The following CNTN4 variants were observed in gnomAD, a reference collection of about 807,000 sequenced individuals.
CNTN4 encodes contactin-4.
In CNTN4, 77 loss-of-function variants were observed where a neutral mutation model predicts 122.5. The ratio of observed to expected loss-of-function variants is 0.63; its 90% CI spans 0.52 to 0.76. CNTN4 has a LOEUF of 0.76. Among genes scored for constraint, CNTN4 ranks in the 30% least tolerant of loss-of-function variants. CNTN4 has a pLI of 0.00. For missense variants in CNTN4, 1,256 were observed against 1,259.1 expected, an observed-to-expected ratio of 1.00 and a Z score of 0.04; for synonymous variants, 512 against 447.0, an observed-to-expected ratio of 1.15 and a Z score of -1.83.
intron 14 of CNTN4, among the ~76,000 whole-genome samples, chr3:3,010,903 C>T (rs1349327472): frequency 6.6e-6 from 1 of 151,926 alleles, no homozygotes; most frequent in Non-Finnish European, 1.5e-5. Context: ...AGTACACCCT[C>T]ATTGAAATGC....
At chr3:2,330,513 A>G (rs1226227919) in intron 2 of CNTN4, among the ~76,000 whole-genome samples, 1 of 152,212 alleles carries the variant, frequency 6.6e-6, no homozygotes, top group Non-Finnish European at 1.5e-5. Flanking sequence ...TTCTGTGTCA[A>G]GAAATGAAGA....
At chr3:2,918,441 G>T (rs1233619353) in intron 12 of CNTN4, among the ~76,000 whole-genome samples, 1 of 152,204 alleles carries the variant, frequency 6.6e-6, no homozygotes, top group Admixed American at 6.5e-5. Flanking sequence ...CTTCCAGGGT[G>T]CACTTGCCCT....
chr3:2,400,873 G>A (rs866832234), intron 3 of CNTN4, among the ~76,000 whole-genome samples: 156 of 151,506 alleles, frequency 1.0e-3, no homozygotes, highest in African/African-American at 3.5e-3. Flanking sequence ...CTATATATAA[G>A]TATATTATTC....
chr3:2,790,787 C>G (rs2091984603), intron 6 of CNTN4, among the ~76,000 whole-genome samples: 1 of 152,126 alleles, frequency 6.6e-6, no homozygotes, highest in Non-Finnish European at 1.5e-5. Context: ...TGTGCATTTC[C>G]TTGACTTGCT....
At chr3:2,170,090 G>C (rs1393496630) in intron 2 of CNTN4, among the ~76,000 whole-genome samples, 1 of 151,936 alleles carries the variant, frequency 6.6e-6, no homozygotes, top group Admixed American at 6.6e-5. Flanking sequence ...GGGAGGCCGA[G>C]GCGGGAGGAT....
chr3:3,042,480 CTCCAAGTCACAT>C, intron 21 of CNTN4, 58 bp downstream of exon 21: 2 of 1,090,672 alleles, frequency 1.8e-6, no homozygotes, highest in Non-Finnish European at 2.8e-6. Flanking sequence ...TTGATAAGTC[CTCCAAGTCACAT>C]TCTTATAGGA....
At chr3:2,690,268 T>C (rs1480232113) in intron 4 of CNTN4, among the ~76,000 whole-genome samples, 1 of 152,184 alleles carries the variant, frequency 6.6e-6, no homozygotes, top group African/African-American at 2.4e-5. Context: ...TGCTCCCCTT[T>C]TGGGTACATG....
At chr3:3,004,884 G>A (rs150189261) in intron 14 of CNTN4, among the ~76,000 whole-genome samples, 1 of 152,158 alleles carries the variant, frequency 6.6e-6, no homozygotes, top group African/African-American at 2.4e-5. Flanking sequence ...GCTCTTCAGG[G>A]GTCAGCTGGG....
chr3:2,723,428 A>G (rs1359426958), intron 4 of CNTN4, among the ~76,000 whole-genome samples: 1 of 152,152 alleles, frequency 6.6e-6, no homozygotes, highest in Non-Finnish European at 1.5e-5. Flanking sequence ...ATTTCTCACT[A>G]TTCTGGAGAC....
intron 4 of CNTN4, among the ~76,000 whole-genome samples, chr3:2,576,543 G>GTT (rs1260322395): frequency 7.8e-6 from 1 of 127,774 alleles, no homozygotes; most frequent in African/African-American, 2.9e-5. Flanking sequence ...TTTTGTTACT[G>GTT]TTTTTTTCTT....
intron 6 of CNTN4, among the ~76,000 whole-genome samples, chr3:2,754,759 G>C (rs6777827): frequency 0.029 from 4,161 of 145,926 alleles, 80 homozygotes; most frequent in Middle Eastern, 0.046. Context: ...AAAAAAAAAA[G>C]AAAAGAAAAA....
chr3:2,873,360 T>C (rs1389116712), intron 8 of CNTN4, among the ~76,000 whole-genome samples: 1 of 152,170 alleles, frequency 6.6e-6, no homozygotes, highest in East Asian at 1.9e-4. Flanking sequence ...TGAATCCGAT[T>C]TCTCATCAAT....
At chr3:2,536,609 A>G (rs2077818652) in intron 3 of CNTN4, among the ~76,000 whole-genome samples, 1 of 149,120 alleles carries the variant, frequency 6.7e-6, no homozygotes, top group Non-Finnish European at 1.5e-5. Flanking sequence ...TTTTTGGTAG[A>G]GACTGGATCT....
At chr3:2,957,194 T>C (rs934590283) in intron 13 of CNTN4, among the ~76,000 whole-genome samples, 3 of 128,732 alleles carry the variant, frequency 2.3e-5, no homozygotes, top group Non-Finnish European at 3.6e-5. Flanking sequence ...CTAATTTAAA[T>C]TTTTTTTTGA....
intron 2 of CNTN4, among the ~76,000 whole-genome samples, chr3:2,218,816 A>G (rs750636672): frequency 6.6e-6 from 1 of 152,122 alleles, no homozygotes; most frequent in Non-Finnish European, 1.5e-5. Flanking sequence ...TTTCATCACG[A>G]TAGGAGTGGT....
At chr3:2,563,157 A>G (rs115052302) in intron 3 of CNTN4, among the ~76,000 whole-genome samples, 2,391 of 152,270 alleles carry the variant, frequency 0.016, 67 homozygotes, top group African/African-American at 0.055. Context: ...ATTCCCACCA[A>G]AGGTTTATGA....
chr3:2,749,237 C>G (rs2089966150), intron 6 of CNTN4, among the ~76,000 whole-genome samples: 1 of 152,044 alleles, frequency 6.6e-6, no homozygotes, highest in Non-Finnish European at 1.5e-5. Flanking sequence ...GACCTCAGCT[C>G]ACTGCAACCT....
chr3:2,120,374 A>AT (rs2033653105), intron 2 of CNTN4, among the ~76,000 whole-genome samples: 2 of 59,100 alleles, frequency 3.4e-5, no homozygotes, highest in Non-Finnish European at 6.3e-5. Flanking sequence ...TATATATATA[A>AT]ATATATATAT....
chr3:2,694,424 A>G (rs2085908567), intron 4 of CNTN4, among the ~76,000 whole-genome samples: 1 of 152,212 alleles, frequency 6.6e-6, no homozygotes. Flanking sequence ...TTACATTCCC[A>G]GAAATCATAA....
Sources: gnomAD v4.1 joint callset for allele counts (sites outside exome capture counted in the v4.1 genomes callset) on GRCh38, gnomAD v4.1.1 for gene constraint, MANE v1.5 for transcripts, NCBI Gene and HGNC (gene_info 2026-07-23, HGNC 2026-07-21) for gene names.